SH2B1: variants seen among roughly 807,000 people sequenced by gnomAD.
The protein encoded by SH2B1 is SH2B adapter protein 1.
SH2B1 carries 15 observed loss-of-function variants against 62.6 expected under a neutral mutation model. The observed-to-expected ratio is 0.24, with a 90% CI of 0.16 to 0.37. The LOEUF is 0.37. Among genes scored for constraint, SH2B1 ranks in the 10% least tolerant of loss-of-function variants. The pLI is 1.00. For missense variants in SH2B1, 925 were observed against 1,015.6 expected, an observed-to-expected ratio of 0.91 and a Z score of 1.21; for synonymous variants, 443 against 438.0, an observed-to-expected ratio of 1.01 and a Z score of -0.14.
Position 28,873,745 on chromosome 16 carries a change from G to C in SH2B1, c.2196G>C (p.Gln732His). 1 of 1,487,798 alleles carries C rather than the reference G, an allele frequency of 6.7e-7. No homozygotes were observed. The highest frequency in any genetic ancestry group is 8.9e-7 in the Non-Finnish European group (1 of 1,118,380). 92.2% of individuals were successfully genotyped at this position (1,487,798 alleles called of 1,614,324 possible). The change falls in exon 8 of 8, where the codon CAG (glutamine) becomes CAC (histidine). Residue 732 changes from glutamine (Q) to histidine (H), a missense_variant. Gln to His is a conservative substitution (Grantham distance 24). Transcript: ENST00000684370. The surrounding 1 kb of genome is among the most constrained non-coding windows in gnomAD (Gnocchi z 4.2). ...DAGVPPMVQL[Q>H]QSPLGGDGEE... ...GGGTGCCCCCAATGGTGCAGCTGCA[G>C]CAGTCACCACTAGGGGGTGATGGAG...
At chr16:28,863,331 A>G (rs1460708456), upstream of SH2B1, 5 of 204,264 alleles carry the variant, frequency 2.4e-5, no homozygotes, top group Non-Finnish European at 3.9e-5. Flanking sequence ...CCCTTTCCTC[A>G]GATAAACCAA....
At chr16:28,852,122 A>G (rs567939324) in intron 1 of SH2B1, among the ~76,000 whole-genome samples, 15 of 148,402 alleles carry the variant, frequency 1.0e-4, no homozygotes, top group Admixed American at 4.9e-4. Flanking sequence ...CCACTTCTCT[A>G]ATATGCAGGG....
Position 28,866,029 on chromosome 16 carries a change from T to A in SH2B1, c.-66T>A. 6.7e-7 allele frequency: 1 copy of A among 1,502,484 alleles called. No individual in the cohort carries two copies. Among genetic ancestry groups the A allele is most frequent in the Non-Finnish European group, 8.8e-7 (1 of 1,134,262 alleles). 93.1% of individuals were successfully genotyped at this position (1,502,484 alleles called of 1,614,324 possible). On this transcript the variant is annotated 5_prime_UTR_variant, in exon 1 of 8. Transcript: ENST00000684370. This position sits in a 1 kb window ranked among gnomAD's most constrained non-coding sequence, Gnocchi z 6.3. ...TTTCGCAGCTGCTGCCGCCCACCCC[T>A]CGTCTTCTGGCTGCCTCCCTCTTTG... is the stretch of plus-strand genomic sequence containing the variant.
In SH2B1 at chr16:28,873,757, A is replaced by G. The variant is rs1963183157; in HGVS notation, c.2208A>G (p.Leu736=). ...PPMVQLQQSP[L]GGDGEEGGHP... is the part of the protein sequence containing the mutation. Reference sequence around the variant, plus strand: ...TGGTGCAGCTGCAGCAGTCACCACTAGGGGGTGATGGAGAGGAAGGGGGCC... The same window carrying G: ...TGGTGCAGCTGCAGCAGTCACCACTGGGGGGTGATGGAGAGGAAGGGGGCC... Residue 736 remains leucine (L), a synonymous_variant, in exon 8 of 8, where the codon CTA becomes CTG. Coordinates refer to ENST00000684370, the MANE Select transcript of SH2B1 (RefSeq NM_001387430.1). The surrounding 1 kb of genome is among the most constrained non-coding windows in gnomAD (Gnocchi z 4.2). 2 of 1,479,790 alleles carry G rather than the reference A, an allele frequency of 1.4e-6. No homozygotes were observed. Among genetic ancestry groups the G allele is most frequent in the Admixed American group, 2.6e-5 (1 of 38,654 alleles). The allele number at this position is 1,479,790 out of a possible 1,614,324, so 91.7% of individuals were successfully genotyped here. A position where few individuals can be genotyped will look rare whatever the true frequency, so the allele number is the denominator to read the frequency against.
Position 28,853,015 on chromosome 16 carries a change from TA to T in SH2B1, c.-301+6189del, listed in dbSNP as rs1414661039. ...GTACATATATATGTACATATATATT[TA>T]TATATGTACATATATATGTACATAT... On this transcript the variant is annotated intron_variant, in intron 1 of 10. Transcript: ENST00000322610. 6.6e-3 allele frequency among the ~76,000 whole-genome samples: 225 copies of T among 34,298 alleles called. 8 individuals are homozygous for T. Among genetic ancestry groups the T allele is most frequent in the East Asian group, 0.019 (14 of 730 alleles). 22.5% of individuals were successfully genotyped at this position (34,298 alleles called of 152,430 possible).
rs367964365 is a variant in SH2B1 at position 28,872,160 on chromosome 16, C to T, written c.1514-30C>T. 50 of 1,598,424 alleles carry T rather than the reference C, an allele frequency of 3.1e-5. No individual in the cohort carries two copies. Among genetic ancestry groups the T allele is most frequent in the Non-Finnish European group, 3.9e-5 (46 of 1,169,916 alleles). On this transcript the variant is annotated intron_variant, in intron 5 of 7. Coordinates refer to ENST00000684370, the MANE Select transcript of SH2B1 (RefSeq NM_001387430.1). The surrounding 1 kb of genome is among the most constrained non-coding windows in gnomAD (Gnocchi z 5.3). ...GGATGGGGGAGGCTGCCCTGACACC[C>T]CGGTTTCCCTCCCTCTCTCCTTCCT...
At position 28,855,647 on chromosome 16, in the gene SH2B1, A is replaced by ATT. The variant is rs370910681; in HGVS notation, c.-300-5962_-300-5961dup. ...TAAGAACTTATTTATTTATTTATTT[A>ATT]TTTTTTTTTTGAGACAGAGTCTTGT... On this transcript the variant is annotated intron_variant, in intron 1 of 10. Coordinates refer to the SH2B1 transcript ENST00000322610. 4.1e-5 allele frequency among the ~76,000 whole-genome samples: 6 copies of ATT among 144,992 alleles called. 1 individual carries two copies. The highest frequency in any genetic ancestry group is 5.0e-5 in the African/African-American group (2 of 40,214).
intron 1 of SH2B1, among the ~76,000 whole-genome samples, chr16:28,852,221 CATATATATTTACAT>C (rs1555509754): frequency 2.5e-4 from 10 of 39,402 alleles, no homozygotes; most frequent in East Asian, 1.9e-3. Context: ...TATATATTTA[CATATATATTTACAT>C]ATATATATTT....
upstream of SH2B1, among the ~76,000 whole-genome samples, chr16:28,860,579 C>A (rs1962421722): frequency 6.6e-6 from 1 of 152,122 alleles, no homozygotes; most frequent in Non-Finnish European, 1.5e-5. Context: ...ATTCCTCAAA[C>A]CACTACCATT....
At chr16:28,856,014 C>T (rs1025021723) in intron 1 of SH2B1, among the ~76,000 whole-genome samples, 14 of 149,030 alleles carry the variant, frequency 9.4e-5, no homozygotes, top group African/African-American at 3.4e-4. Context: ...TGGTGGCTCA[C>T]ACTTGTAATC....
intron 1 of SH2B1, among the ~76,000 whole-genome samples, chr16:28,853,126 ATG>A (rs1962240726): frequency 6.2e-5 from 8 of 128,236 alleles, no homozygotes; most frequent in Non-Finnish European, 1.1e-4. Flanking sequence ...ATATATATTT[ATG>A]TATACATTTA....
intron 4 of SH2B1, among the ~76,000 whole-genome samples, chr16:28,871,480 A>G (rs1027393236): frequency 1.5e-4 from 23 of 152,172 alleles, no homozygotes; most frequent in African/African-American, 5.6e-4. Context: ...ATGTATATAT[A>G]TATTTAAGGC....
Position 28,865,462 on chromosome 16 carries a change from C to T in SH2B1, c.-633C>T, listed in dbSNP as rs1447950901. On this transcript the variant is annotated 5_prime_UTR_variant, in exon 1 of 8. Coordinates refer to ENST00000684370, the MANE Select transcript of SH2B1 (RefSeq NM_001387430.1). ...AGAATCCCAGCTCCTCTCTAGCCCC[C>T]TGCGAGCTGGGGCGGTGAGGTGCTA... 1.9e-5 allele frequency: 19 copies of T among 985,508 alleles called. No homozygotes were observed. The highest frequency in any genetic ancestry group is 4.7e-5 in the South Asian group (1 of 21,292). The allele number at this position is 985,508 out of a possible 1,614,324, so 61.0% of individuals were successfully genotyped here.
At chr16:28,851,178 GAA>G (rs1199929955) in intron 1 of SH2B1, among the ~76,000 whole-genome samples, 1 of 131,438 alleles carries the variant, frequency 7.6e-6, no homozygotes. Flanking sequence ...GTCTCAAAAA[GAA>G]AAAAAAAAAA....
intron 4 of SH2B1, among the ~76,000 whole-genome samples, chr16:28,871,332 A>G (rs1458483137): frequency 6.6e-6 from 1 of 152,004 alleles, no homozygotes; most frequent in Non-Finnish European, 1.5e-5. Context: ...ACTCCTTTTG[A>G]ATGTCAAAAT....
chr16:28,863,654 G>A, upstream of SH2B1: 2 of 1,531,308 alleles, frequency 1.3e-6, no homozygotes, highest in South Asian at 1.2e-5. Context: ...CGCTGCGTCT[G>A]TGGTCGCTTT....
At position 28,872,611 on chromosome 16, in the gene SH2B1, C is replaced by T. The variant is rs527954657; in HGVS notation, c.1803C>T (p.Leu601=). 46 of 1,614,160 alleles carry T rather than the reference C, an allele frequency of 2.8e-5. No homozygotes were observed. The Admixed American group carries it at 4.5e-4, about 16-fold the overall frequency. The change falls in exon 7 of 8, where the codon CTC becomes CTT. Residue 601 remains leucine (L), a synonymous_variant. Transcript: ENST00000684370. The surrounding 1 kb of genome is among the most constrained non-coding windows in gnomAD (Gnocchi z 5.3). ...HLWFQSIFDM[L]EHFRVHPIPL... is the part of the protein sequence containing the mutation. The stretch of plus-strand genomic sequence containing the variant: ...GGTTCCAGTCCATTTTCGATATGCT[C>T]GAGCACTTCCGGGTGCACCCCATCC...
intron 1 of SH2B1, among the ~76,000 whole-genome samples, chr16:28,846,983 A>G (rs2152149100): frequency 6.6e-6 from 1 of 152,332 alleles, no homozygotes; most frequent in African/African-American, 2.4e-5. Context: ...TGAACTGGGT[A>G]GGAGTCAGTG....
intron 1 of SH2B1, among the ~76,000 whole-genome samples, chr16:28,847,368 T>TA (rs1420070127): frequency 2.6e-5 from 4 of 152,156 alleles, no homozygotes; most frequent in African/African-American, 9.7e-5. Flanking sequence ...TATGGCTGCT[T>TA]AACCCTGGCT....
Sources: gnomAD v4.1 joint callset for allele counts (sites outside exome capture counted in the v4.1 genomes callset) on GRCh38, gnomAD v4.1.1 for gene constraint, Gnocchi (gnomAD v3.1) non-coding constraint, MANE v1.5 for transcripts, NCBI Gene and HGNC (gene_info 2026-07-23, HGNC 2026-07-21) for gene names.